TMEM37: variants seen among roughly 807,000 people sequenced by gnomAD.
TMEM37 encodes voltage-dependent calcium channel gamma-like subunit.
In TMEM37, 12 loss-of-function variants were observed where a neutral mutation model predicts 11.0. The ratio of observed to expected loss-of-function variants is 1.09; its 90% CI spans 0.70 to 1.76. The LOEUF (loss-of-function observed/expected upper bound fraction) is 1.76, where lower values mean the gene tolerates loss of function less well. TMEM37 is among the 40% of genes most tolerant of loss of function. The probability of loss-of-function intolerance (pLI) is 0.00; values close to 1 mark genes in which losing one functional copy is unlikely to be tolerated. For synonymous variants in TMEM37, 127 were observed against 110.5 expected (o/e 1.15, Z -0.94); for missense variants, 203 against 251.2 (o/e 0.81, Z 1.30).
chr2:119,436,705 G>T (rs1022152850), intron 1 of TMEM37, among the ~76,000 whole-genome samples, 184 bp from the exon 2 acceptor site: 4 of 152,154 alleles, frequency 2.6e-5, no homozygotes, highest in African/African-American at 9.7e-5. Flanking sequence ...ATGCTCACAG[G>T]TCTGGAAGGG....
chr2:119,437,473 C>G lies in TMEM37; in HGVS notation c.*33C>G. ...AATTTTAGGCCCCCTCCAGGGACAT[C>G]AGATTCCACAAGAAAATATGGTCAA... On this transcript the variant is annotated 3_prime_UTR_variant, in exon 2 of 2. Transcript: ENST00000306406. 1 of 1,582,902 alleles carries G rather than the reference C, an allele frequency of 6.3e-7. No individual in the cohort carries two copies. The highest frequency in any genetic ancestry group is 8.6e-7 in the Non-Finnish European group (1 of 1,164,960).
At chr2:119,435,380 C>T (rs1682478080) in intron 1 of TMEM37, among the ~76,000 whole-genome samples, 1 of 152,206 alleles carries the variant, frequency 6.6e-6, no homozygotes, top group Non-Finnish European at 1.5e-5. Flanking sequence ...GGACACACCC[C>T]ATGTTCCTCA....
intron 1 of TMEM37, among the ~76,000 whole-genome samples, chr2:119,432,459 C>T (rs1031928957): frequency 1.3e-5 from 2 of 152,074 alleles, no homozygotes; most frequent in African/African-American, 4.8e-5. Context: ...CTGAGTCGCG[C>T]GGACACCTCA....
At chr2:119,430,116 C>T, upstream of TMEM37, 8 of 782,954 alleles carry the variant, frequency 1.0e-5, no homozygotes, top group Middle Eastern at 3.5e-4. Flanking sequence ...CCCAGAGCTG[C>T]GGAGAGTCTG....
In TMEM37 at chr2:119,436,517, T is replaced by C. The variant is rs1682498591; in HGVS notation, c.22-372T>C. 2.0e-5 allele frequency among the ~76,000 whole-genome samples: 3 copies of C among 152,196 alleles called. No individual in the cohort carries two copies. In the South Asian group the frequency reaches 6.2e-4, roughly 32 times the overall value. On this transcript the variant is annotated intron_variant, in intron 1 of 1. Transcript: ENST00000306406. Reference sequence around the variant, plus strand: ...TGCCAGGCCGTATTCTTGTTTTATGTACAAAGAAACCGAGGCAGGCTGCAT... The same window carrying C: ...TGCCAGGCCGTATTCTTGTTTTATGCACAAAGAAACCGAGGCAGGCTGCAT...
chr2:119,429,929 G>A (rs1682359941), upstream of TMEM37: 8 of 1,550,408 alleles, frequency 5.2e-6, no homozygotes, highest in Non-Finnish European at 6.1e-6. Flanking sequence ...GGGTGCAGAT[G>A]ACCCGACCTG....
chr2:119,431,647 C>G (rs553303191), upstream of TMEM37, among the ~76,000 whole-genome samples: 17 of 151,136 alleles, frequency 1.1e-4, no homozygotes, highest in South Asian at 4.2e-4. Context: ...ATCCCTCCCC[C>G]CAAGTGCCGG....
At chr2:119,432,253 C>A in intron 1 of TMEM37, 1 of 286,120 alleles carries the variant, frequency 3.5e-6, no homozygotes, top group Non-Finnish European at 6.4e-6. Context: ...ACTTACTGGT[C>A]AGTTTACCAT....
chr2:119,430,156 C>A, upstream of TMEM37: 1 of 647,044 alleles, frequency 1.5e-6, no homozygotes, highest in Non-Finnish European at 2.7e-6. Flanking sequence ...GGGGAGAAAG[C>A]AGGTGGGGGC....
chr2:119,436,158 C>T (rs979718899), intron 1 of TMEM37, among the ~76,000 whole-genome samples: 2 of 152,110 alleles, frequency 1.3e-5, no homozygotes, highest in Admixed American at 6.5e-5. Context: ...GCCAGGAGAC[C>T]GGGGTGGGGG....
chr2:119,429,922 T>C (rs1391626433), upstream of TMEM37: 7 of 1,550,322 alleles, frequency 4.5e-6, no homozygotes, highest in East Asian at 1.2e-4. Flanking sequence ...AGGCAGTGGG[T>C]GCAGATGACC....
In TMEM37 at chr2:119,435,627, G is replaced by A. The variant is rs530216956; in HGVS notation, c.22-1262G>A. On this transcript the variant is annotated intron_variant, in intron 1 of 1. Transcript: ENST00000306406. ...AGCACCCACTGAATGCCCAGGTATT[G>A]GGGACACAGCAGTGCCTAAACACAG... is the stretch of plus-strand genomic sequence containing the variant. Among the ~76,000 whole-genome samples the A allele has an allele frequency of 6.1e-4, 93 of 152,350 alleles. 1 individual carries two copies. The highest frequency in any genetic ancestry group is 2.2e-3 in the African/African-American group (92 of 41,574).
At chr2:119,435,265 T>A (rs1682474965) in intron 1 of TMEM37, among the ~76,000 whole-genome samples, 1 of 111,672 alleles carries the variant, frequency 9.0e-6, no homozygotes. Context: ...CTTGCTGGGC[T>A]CTTTGACCAC....
chr2:119,434,328 A>G (rs1682459215), intron 1 of TMEM37, among the ~76,000 whole-genome samples: 1 of 152,114 alleles, frequency 6.6e-6, no homozygotes, highest in African/African-American at 2.4e-5. Context: ...AGTGTCATTA[A>G]CTTCATTTTC....
rs1317298003 is a variant in TMEM37, at chr2:119,437,959, T to C, written c.*519T>C. The C allele has an allele frequency of 1.3e-5, 2 of 156,080 alleles. No homozygotes were observed. Among genetic ancestry groups the C allele is most frequent in the African/African-American group, 4.8e-5 (2 of 41,466 alleles). The allele number at this position is 156,080 out of a possible 1,614,324, so 9.7% of individuals were successfully genotyped here. A position where few individuals can be genotyped will look rare whatever the true frequency, so the allele number is the denominator to read the frequency against. ...CCAGCTCAAAGGGCCTTCGTATGTATGTCCCTGGCTTCAGCTTTGGTCATG... is the reference window on the plus strand; with the variant it reads ...CCAGCTCAAAGGGCCTTCGTATGTACGTCCCTGGCTTCAGCTTTGGTCATG... On this transcript the variant is annotated 3_prime_UTR_variant, in exon 2 of 2. Transcript: ENST00000306406.
Position 119,437,168 on chromosome 2 carries a change from G to T in TMEM37, c.301G>T (p.Ala101Ser), listed in dbSNP as rs139884413. Residue 101 changes from alanine (A) to serine (S), a missense_variant, in exon 2 of 2, where the codon GCC becomes TCC. By Grantham distance (99) the Ala-to-Ser change is moderately conservative (BLOSUM62 1). Transcript: ENST00000306406. ...CAGCGTGGGCGCCTTGGCCGTGGTG[G>T]CCGCCATTTTTGGCCTGGAGTTCCT... is the stretch of plus-strand genomic sequence containing the variant. The part of the protein sequence containing the change: ...VRSVGALAVV[A>S]AIFGLEFLMV... The T allele has an allele frequency of 3.7e-4, 600 of 1,614,116 alleles. No individual in the cohort carries two copies. The highest frequency in any genetic ancestry group is 4.9e-4 in the Non-Finnish European group (580 of 1,180,048).
In TMEM37 at chr2:119,433,187, G is replaced by A. The variant is rs181739654; in HGVS notation, c.21+1263G>A. On this transcript the variant is annotated intron_variant, in intron 1 of 1. Transcript: ENST00000306406. The stretch of plus-strand genomic sequence containing the variant: ...ACGGGGAAGAGGAGGAAGCCTGGTA[G>A]CAAGGTGGGAGCTCAGCTGGGGAGG... 4.6e-5 allele frequency among the ~76,000 whole-genome samples: 7 copies of A among 152,374 alleles called. No individual in the cohort carries two copies. The East Asian group carries it at 1.3e-3, about 29-fold the overall frequency.
At chr2:119,431,799 CTCCAGCAG>C, upstream of TMEM37, 4 of 992,070 alleles carry the variant, frequency 4.0e-6, no homozygotes, top group African/African-American at 1.7e-5. Context: ...CCCCGCCCGC[CTCCAGCAG>C]CCGCCCCGCC....
At chr2:119,432,625 C>T (rs923630300) in intron 1 of TMEM37, among the ~76,000 whole-genome samples, 2 of 152,204 alleles carry the variant, frequency 1.3e-5, no homozygotes, top group Non-Finnish European at 2.9e-5. Context: ...GGTGGCGGTA[C>T]CGCTGCCCAG....
Sources: allele counts gnomAD v4.1 joint callset (sites outside exome capture counted in the v4.1 genomes callset), GRCh38; gene constraint gnomAD v4.1.1; transcripts MANE v1.5; gene names NCBI Gene and HGNC (gene_info 2026-07-23, HGNC 2026-07-21).